Variants in WDR35 observed in about 807,000 individuals in gnomAD.
WDR35 encodes the protein WD repeat domain 35.
A neutral mutation model predicts 158.3 loss-of-function variants in WDR35; 118 were observed. The ratio of observed to expected loss-of-function variants is 0.75; its 90% CI spans 0.64 to 0.87. WDR35 has a LOEUF of 0.87. Among genes scored for constraint, WDR35 ranks in the 40% least tolerant of loss-of-function variants. WDR35 has a pLI of 0.00. For synonymous variants in WDR35, 448 were observed against 476.1 expected (o/e 0.94, Z 0.77); for missense variants, 1,263 against 1,405.8 (o/e 0.90, Z 1.62).
intron 8 of WDR35, among the ~76,000 whole-genome samples, chr2:19,972,599 T>C (rs1159608758): frequency 6.6e-6 from 1 of 152,030 alleles, no homozygotes; most frequent in African/African-American, 2.4e-5. Context: ...AGAAATATTG[T>C]CGTTTGACAA....
intron 5 of WDR35, among the ~76,000 whole-genome samples, chr2:19,977,051 C>G (rs1362673198): frequency 6.6e-6 from 1 of 152,066 alleles, no homozygotes; most frequent in Non-Finnish European, 1.5e-5. Context: ...AGGCTGGTCT[C>G]AAACTCCTGA....
intron 7 of WDR35, 138 bp downstream of exon 7, chr2:19,974,330 A>C: frequency 8.7e-6 from 7 of 800,256 alleles, no homozygotes; most frequent in African/African-American, 1.8e-5. Flanking sequence ...ATTCGCTTGA[A>C]CCCGGGAGGC....
Position 19,936,301 on chromosome 2 carries a change from T to C in WDR35, c.2332A>G (p.Thr778Ala). Reference sequence around the variant, plus strand: ...CTGTCATCTGCATCACCAGATCCAGTTTTCAGGAGCTGGAGTACTCTAAAC... The same window carrying C: ...CTGTCATCTGCATCACCAGATCCAGCTTTCAGGAGCTGGAGTACTCTAAAC... The part of the protein sequence containing the change: ...DWFRVLQLLK[T>A]GSGDADDSLL... The change falls in exon 20 of 27, where the codon ACT becomes GCT. Residue 778 changes from threonine (T) to alanine (A), a missense_variant. Coordinates refer to ENST00000281405, the MANE Select transcript of WDR35 (RefSeq NM_020779.4). The C allele has an allele frequency of 6.2e-7, 1 of 1,613,998 alleles. No individual in the cohort carries two copies. The highest frequency in any genetic ancestry group is 1.1e-5 in the South Asian group (1 of 91,082).
chr2:19,932,217 G>T (rs2103398189), intron 23 of WDR35, 66 bp downstream of exon 23: 1 of 1,590,778 alleles, frequency 6.3e-7, no homozygotes, highest in Non-Finnish European at 8.6e-7. Context: ...TGGAGAATAT[G>T]CTCTTTCATA....
chr2:19,931,151 G>T, intron 24 of WDR35, 118 bp downstream of exon 24: 1 of 1,183,914 alleles, frequency 8.4e-7, no homozygotes, highest in South Asian at 1.5e-5. Context: ...ATCATTTAAG[G>T]AAACAAATGC....
intron 16 of WDR35, among the ~76,000 whole-genome samples, chr2:19,943,003 A>G (rs903121774): frequency 6.6e-6 from 1 of 152,062 alleles, no homozygotes; most frequent in Non-Finnish European, 1.5e-5. Flanking sequence ...GAGTGTCCTG[A>G]AGTACCCTTA....
intron 2 of WDR35, among the ~76,000 whole-genome samples, chr2:19,983,793 T>C (rs1672463510): frequency 6.6e-6 from 1 of 152,146 alleles, no homozygotes; most frequent in South Asian, 2.1e-4. Flanking sequence ...ACATGTACAG[T>C]TTAACAATGC....
chr2:19,938,298 T>C lies in WDR35; in HGVS notation c.2030A>G (p.Gln677Arg), dbSNP rs771708013. The C allele has an allele frequency of 2.5e-6, 4 of 1,614,062 alleles. No individual in the cohort carries two copies. Among genetic ancestry groups the C allele is most frequent in the Non-Finnish European group, 3.4e-6 (4 of 1,179,998 alleles). ...GGGGTGTGGATTGTCCTCTATGAACTGAGATGCATCTTTAATTCCAACCTT... is the reference window on the plus strand; with the variant it reads ...GGGGTGTGGATTGTCCTCTATGAACCGAGATGCATCTTTAATTCCAACCTT... ...IEKVGIKDAS[Q>R]FIEDNPHPRL... is the part of the protein sequence containing the mutation. The change falls in exon 18 of 27, where the codon CAG (glutamine) becomes CGG (arginine). Residue 677 changes from glutamine to arginine, a missense_variant. By Grantham distance (43) the Gln-to-Arg change is conservative. Transcript: ENST00000281405.
intron 2 of WDR35, among the ~76,000 whole-genome samples, chr2:19,983,228 C>T (rs1434912379): frequency 1.3e-5 from 2 of 151,936 alleles, no homozygotes; most frequent in Non-Finnish European, 1.5e-5. Flanking sequence ...CTGGAGATAG[C>T]CAGGAAAGGT....
intron 25 of WDR35, among the ~76,000 whole-genome samples, chr2:19,915,766 G>A (rs1358154504): frequency 6.6e-6 from 1 of 151,790 alleles, no homozygotes; most frequent in Non-Finnish European, 1.5e-5. Flanking sequence ...TAGAAACACA[G>A]ATACATAAGT....
intron 24 of WDR35, 73 bp downstream of exon 24, chr2:19,931,196 A>G (rs1261497205): frequency 6.6e-7 from 1 of 1,526,200 alleles, no homozygotes; most frequent in African/African-American, 1.4e-5. Flanking sequence ...CCATAAAAGA[A>G]GTTTAATAGT....
chr2:19,972,148 T>C (rs1672053097), intron 8 of WDR35, among the ~76,000 whole-genome samples: 1 of 152,212 alleles, frequency 6.6e-6, no homozygotes, highest in Admixed American at 6.5e-5. Flanking sequence ...TTTAAATCAT[T>C]AAGTTTAAAT....
chr2:19,941,774 C>G lies in WDR35; in HGVS notation c.1911G>C (p.Leu637Phe). The change falls in exon 17 of 27, where the codon TTG becomes TTC. Residue 637 changes from leucine (L) to phenylalanine (F), a missense_variant. Leu to Phe is a conservative substitution (Grantham distance 22). Transcript: ENST00000281405. ...FEDLEIKSVL[L>F]DEILKDPEHP... is the part of the protein sequence containing the mutation. The stretch of plus-strand genomic sequence containing the variant: ...TAGGAATTACCTTTAATATCTCATC[C>G]AAAAGAACAGATTTAATTTCTAAAT... 1 of 1,563,932 alleles carries G rather than the reference C, an allele frequency of 6.4e-7. No homozygotes were observed. The highest frequency in any genetic ancestry group is 1.1e-5 in the South Asian group (1 of 87,430).
chr2:19,980,710 AATG>A lies in WDR35; in HGVS notation c.285_287del (p.Ile96del), dbSNP rs1558360120. On this transcript the variant is annotated inframe_deletion, in exon 4 of 27. Transcript: ENST00000281405. ...GTATACCTTTATATAACATCCACAC[AATG>A]ATAAGCCCGTTTTCATCACTGGTAG... 6.2e-7 allele frequency: 1 copy of A among 1,613,700 alleles called. No individual in the cohort carries two copies. Among genetic ancestry groups the A allele is most frequent in the African/African-American group, 1.3e-5 (1 of 75,036 alleles).
chr2:19,969,448 CTG>C (rs759412196), intron 9 of WDR35, 30 bp downstream of exon 9: 2 of 1,592,912 alleles, frequency 1.3e-6, no homozygotes, highest in South Asian at 1.1e-5. Context: ...GTAAGAAACA[CTG>C]TTTATTTTAC....
At chr2:19,962,410 T>C (rs1017051328) in intron 10 of WDR35, 1 of 1,383,558 alleles carries the variant, frequency 7.2e-7, no homozygotes, top group African/African-American at 1.4e-5. Flanking sequence ...CTAATGAAAG[T>C]GGCTTATATA....
At chr2:19,926,328 G>T (rs1288256507) in intron 25 of WDR35, among the ~76,000 whole-genome samples, 4 of 152,196 alleles carry the variant, frequency 2.6e-5, no homozygotes, top group African/African-American at 7.2e-5. Flanking sequence ...TGTTTTCATT[G>T]TTTTACAGAT....
intron 14 of WDR35, 56 bp downstream of exon 14, chr2:19,948,108 A>G (rs1160819267): frequency 4.9e-6 from 7 of 1,428,842 alleles, no homozygotes; most frequent in East Asian, 2.5e-5. Context: ...GGCTCCTACC[A>G]TATTTTTATA....
At chr2:19,940,365 G>GA (rs747417887) in intron 17 of WDR35, among the ~76,000 whole-genome samples, 12 of 149,460 alleles carry the variant, frequency 8.0e-5, no homozygotes, top group South Asian at 2.1e-4. Context: ...AAACCCTGCT[G>GA]AAAAAAAAAC....
Sources: gnomAD v4.1 joint callset for allele counts (sites outside exome capture counted in the v4.1 genomes callset) on GRCh38, gnomAD v4.1.1 for gene constraint, MANE v1.5 for transcripts, NCBI Gene and HGNC (gene_info 2026-07-23, HGNC 2026-07-21) for gene names.